Variants in ESRRG observed in about 807,000 individuals in gnomAD.
ESRRG encodes the protein estrogen-related receptor gamma.
ESRRG carries 13 observed loss-of-function variants against 44.0 expected under a neutral mutation model. That is an observed-to-expected ratio of 0.30 (90% CI 0.19 to 0.47). ESRRG has a LOEUF of 0.47. ESRRG is among the 20% of genes least tolerant of loss of function. The pLI is 1.00. For missense variants in ESRRG, 395 were observed against 580.6 expected (o/e 0.68, Z 3.29); for synonymous variants, 215 against 214.6 (o/e 1.00, Z -0.02).
chr1:216,873,103 G>T (rs998659742), intron 2 of ESRRG, among the ~76,000 whole-genome samples: 4 of 152,036 alleles, frequency 2.6e-5, no homozygotes, highest in African/African-American at 9.7e-5. Context: ...TATGGTCATA[G>T]GTGCAGGTGG....
intron 2 of ESRRG, among the ~76,000 whole-genome samples, chr1:216,729,673 C>CA (rs2088307866): frequency 6.6e-6 from 1 of 152,096 alleles, no homozygotes; most frequent in African/African-American, 2.4e-5. Context: ...GCTGACTCTC[C>CA]AGAGAATTCA....
At chr1:216,659,178 T>C (rs950270768) in intron 2 of ESRRG, among the ~76,000 whole-genome samples, 1 of 152,218 alleles carries the variant, frequency 6.6e-6, no homozygotes, top group African/African-American at 2.4e-5. Flanking sequence ...TTTATTGTTA[T>C]TTACCTTGAA....
At chr1:217,030,467 G>A (rs1369580349) in intron 1 of ESRRG, among the ~76,000 whole-genome samples, 3 of 152,164 alleles carry the variant, frequency 2.0e-5, no homozygotes, top group Non-Finnish European at 2.9e-5. Flanking sequence ...GCCACTGGCA[G>A]GTCTAGAAAT....
intron 2 of ESRRG, among the ~76,000 whole-genome samples, chr1:216,668,912 A>G (rs1392868865): frequency 6.6e-6 from 1 of 152,220 alleles, no homozygotes; most frequent in Non-Finnish European, 1.5e-5. Flanking sequence ...TATAAATGAT[A>G]TGTACACAAA....
At chr1:216,842,545 C>T (rs1163131654) in intron 2 of ESRRG, among the ~76,000 whole-genome samples, 1 of 152,158 alleles carries the variant, frequency 6.6e-6, no homozygotes, top group East Asian at 1.9e-4. Flanking sequence ...CTCCACTTCT[C>T]TCTCCAATCC....
At chr1:216,816,392 T>C (rs563554260) in intron 2 of ESRRG, among the ~76,000 whole-genome samples, 14 of 152,222 alleles carry the variant, frequency 9.2e-5, no homozygotes, top group South Asian at 2.1e-4. Flanking sequence ...AAACATGTTG[T>C]GCCCAATAAA....
chr1:216,528,465 C>T (rs1402355240), intron 5 of ESRRG, among the ~76,000 whole-genome samples: 1 of 152,120 alleles, frequency 6.6e-6, no homozygotes, highest in Non-Finnish European at 1.5e-5. Context: ...TAAGTACTGT[C>T]ATTAATTTAT....
At chr1:216,860,956 A>G (rs143115979) in intron 2 of ESRRG, among the ~76,000 whole-genome samples, 2 of 152,164 alleles carry the variant, frequency 1.3e-5, no homozygotes, top group Non-Finnish European at 2.9e-5. Context: ...AGAATAGCAC[A>G]GAGGTCGAGG....
chr1:217,034,953 A>G (rs1174882443), intron 1 of ESRRG, among the ~76,000 whole-genome samples: 1 of 152,176 alleles, frequency 6.6e-6, no homozygotes, highest in Non-Finnish European at 1.5e-5. Flanking sequence ...AGGTATCTAT[A>G]TGTTACTTTA....
At chr1:217,046,774 T>C (rs2151189053) in intron 1 of ESRRG, among the ~76,000 whole-genome samples, 1 of 152,112 alleles carries the variant, frequency 6.6e-6, no homozygotes, top group African/African-American at 2.4e-5. Flanking sequence ...TCCCAACTAC[T>C]CAGGAGGCTG....
intron 1 of ESRRG, among the ~76,000 whole-genome samples, chr1:217,047,541 G>A (rs939520211): frequency 1.3e-5 from 2 of 152,082 alleles, no homozygotes; most frequent in Admixed American, 6.6e-5. Flanking sequence ...TCCAAGCTAC[G>A]AATATCTTTC....
intron 1 of ESRRG, among the ~76,000 whole-genome samples, chr1:216,969,422 GAA>G (rs893560743): frequency 6.6e-6 from 1 of 151,172 alleles, no homozygotes; most frequent in East Asian, 1.9e-4. Context: ...AAAAAACATA[GAA>G]AAAAACATAA....
chr1:217,115,850 G>C (rs538906476), intron 1 of ESRRG, among the ~76,000 whole-genome samples: 1 of 152,126 alleles, frequency 6.6e-6, no homozygotes, highest in African/African-American at 2.4e-5. Context: ...TAGAACATAA[G>C]CCACAAGAGC....
chr1:216,539,082 A>G (rs372496722), intron 5 of ESRRG, among the ~76,000 whole-genome samples: 1 of 152,152 alleles, frequency 6.6e-6, no homozygotes, highest in East Asian at 1.9e-4. Flanking sequence ...AATATTTCAA[A>G]CACAGTCTAG....
chr1:216,787,315 C>T (rs538681965), intron 2 of ESRRG, among the ~76,000 whole-genome samples: 1 of 151,910 alleles, frequency 6.6e-6, no homozygotes, highest in African/African-American at 2.4e-5. Flanking sequence ...TTTAAAAACC[C>T]CAAAAAAGGC....
At chr1:216,807,198 T>A (rs895852516) in intron 2 of ESRRG, among the ~76,000 whole-genome samples, 1 of 152,158 alleles carries the variant, frequency 6.6e-6, no homozygotes, top group Non-Finnish European at 1.5e-5. Context: ...CGAAGTCTAA[T>A]ACAATTGTTC....
At chr1:217,023,884 C>T (rs1187609340) in intron 1 of ESRRG, among the ~76,000 whole-genome samples, 1 of 152,196 alleles carries the variant, frequency 6.6e-6, no homozygotes, top group Non-Finnish European at 1.5e-5. Context: ...TCTGTGAAGT[C>T]ACCATGCATG....
At chr1:216,953,531 T>C (rs906754757) in intron 1 of ESRRG, among the ~76,000 whole-genome samples, 4 of 152,068 alleles carry the variant, frequency 2.6e-5, no homozygotes, top group Non-Finnish European at 5.9e-5. Context: ...TTTCAGAGAT[T>C]TGTTGTCTTC....
At chr1:217,057,034 G>A (rs11572402) in intron 1 of ESRRG, among the ~76,000 whole-genome samples, 3,047 of 152,216 alleles carry the variant, frequency 0.02, 95 homozygotes, top group African/African-American at 0.07. Flanking sequence ...AGGACTGAGG[G>A]AGATGGAGCA....
Sources: gnomAD v4.1 joint callset for allele counts (sites outside exome capture counted in the v4.1 genomes callset) on GRCh38, gnomAD v4.1.1 for gene constraint, MANE v1.5 for transcripts, NCBI Gene and HGNC (gene_info 2026-07-23, HGNC 2026-07-21) for gene names.